Variants in PAIP2B observed in about 807,000 individuals in gnomAD.
The protein encoded by PAIP2B is poly(A) binding protein interacting protein 2B.
In PAIP2B, 13 loss-of-function variants were observed where a neutral mutation model predicts 17.0. The observed-to-expected ratio is 0.76, with a 90% CI of 0.50 to 1.22. PAIP2B has a LOEUF of 1.22. PAIP2B is among the 50% of genes most tolerant of loss of function. PAIP2B has a pLI of 0.00. For missense variants in PAIP2B, 117 were observed against 144.5 expected (o/e 0.81, Z 0.98); for synonymous variants, 43 against 48.7 (o/e 0.88, Z 0.48).
At chr2:71,220,362 C>T (rs570434346) in intron 1 of PAIP2B, among the ~76,000 whole-genome samples, 1 of 152,266 alleles carries the variant, frequency 6.6e-6, no homozygotes, top group East Asian at 1.9e-4. Flanking sequence ...TGAACCATTT[C>T]TATTTAACCA....
At chr2:71,223,550 C>T (rs1675645972) in intron 1 of PAIP2B, among the ~76,000 whole-genome samples, 1 of 151,812 alleles carries the variant, frequency 6.6e-6, no homozygotes, top group African/African-American at 2.4e-5. Flanking sequence ...AAATTCTCTG[C>T]CTCAGCCTCC....
intron 1 of PAIP2B, among the ~76,000 whole-genome samples, chr2:71,221,025 AT>A (rs1314505357): frequency 2.6e-5 from 4 of 152,214 alleles, no homozygotes; most frequent in Admixed American, 1.3e-4. Context: ...GAAGTAAATG[AT>A]TTCACTACAG....
chr2:71,218,213 C>G (rs1675481512), intron 1 of PAIP2B, among the ~76,000 whole-genome samples: 1 of 152,062 alleles, frequency 6.6e-6, no homozygotes, highest in African/African-American at 2.4e-5. Context: ...AAATTACTTA[C>G]TGGGAGACAG....
intron 2 of PAIP2B, among the ~76,000 whole-genome samples, chr2:71,193,660 T>G (rs1337551021): frequency 6.6e-6 from 1 of 152,112 alleles, no homozygotes; most frequent in Non-Finnish European, 1.5e-5. Flanking sequence ...GAGACCATCC[T>G]GGCTAACACG....
intron 2 of PAIP2B, among the ~76,000 whole-genome samples, chr2:71,192,813 C>T (rs973750728): frequency 7.9e-5 from 12 of 152,062 alleles, no homozygotes; most frequent in African/African-American, 1.9e-4. Context: ...GTATATGTAC[C>T]ACATTTTCTT....
At chr2:71,193,947 C>T (rs369551238) in intron 2 of PAIP2B, among the ~76,000 whole-genome samples, 40 of 152,272 alleles carry the variant, frequency 2.6e-4, no homozygotes, top group African/African-American at 8.2e-4. Context: ...TATGGCTAGC[C>T]GGTTATCCCA....
chr2:71,198,411 G>A lies in PAIP2B; in HGVS notation c.138+4041C>T, dbSNP rs375123413. Among the ~76,000 whole-genome samples the A allele has an allele frequency of 7.5e-4, 113 of 151,152 alleles. No homozygotes were observed. The Middle Eastern group carries it at 0.014, about 18-fold the overall frequency. On this transcript the variant is annotated intron_variant, in intron 2 of 3. Coordinates refer to ENST00000244221, the MANE Select transcript of PAIP2B (RefSeq NM_020459.1). The stretch of plus-strand genomic sequence containing the variant: ...CACCATTCTCCTGCCTCAGCCTCCC[G>A]AGTAGCTGGGACTACAGGCGCCCGC...
chr2:71,206,128 C>T (rs1160345402), intron 1 of PAIP2B, among the ~76,000 whole-genome samples: 1 of 152,196 alleles, frequency 6.6e-6, no homozygotes, highest in Non-Finnish European at 1.5e-5. Context: ...CTAACAATAG[C>T]TTATACAGGT....
At chr2:71,190,368 G>T (rs57071797) in intron 2 of PAIP2B, among the ~76,000 whole-genome samples, 2 of 152,064 alleles carry the variant, frequency 1.3e-5, no homozygotes, top group Non-Finnish European at 1.5e-5. Context: ...AGGCTTCATT[G>T]AGCCAAGACT....
At chr2:71,193,980 TCTTTTCCCTAGTGCTTGTTTTTGTCAG>T (rs577518066) in intron 2 of PAIP2B, among the ~76,000 whole-genome samples, 1 of 151,914 alleles carries the variant, frequency 6.6e-6, no homozygotes, top group Non-Finnish European at 1.5e-5. Context: ...AAACAGGGAG[TCTTTTCCCTAGTGCTTGTTTTTGTCAG>T]CTTTGTCAAA....
At chr2:71,210,323 T>G (rs893599343) in intron 1 of PAIP2B, among the ~76,000 whole-genome samples, 1 of 152,162 alleles carries the variant, frequency 6.6e-6, no homozygotes, top group African/African-American at 2.4e-5. Flanking sequence ...TATATGAAAA[T>G]TTTTTAAAAG....
chr2:71,195,299 C>T (rs1674788178), intron 2 of PAIP2B, among the ~76,000 whole-genome samples: 1 of 152,168 alleles, frequency 6.6e-6, no homozygotes, highest in Non-Finnish European at 1.5e-5. Flanking sequence ...AGGAATGGTA[C>T]CAGCTCTTCT....
chr2:71,216,354 C>T (rs1422120341), intron 1 of PAIP2B, among the ~76,000 whole-genome samples: 1 of 152,164 alleles, frequency 6.6e-6, no homozygotes, highest in Admixed American at 6.5e-5. Flanking sequence ...CCTCTCTAAG[C>T]CTTGCAAATG....
intron 2 of PAIP2B, among the ~76,000 whole-genome samples, chr2:71,198,661 GA>G (rs780226556): frequency 6.6e-6 from 1 of 151,552 alleles, no homozygotes; most frequent in Non-Finnish European, 1.5e-5. Flanking sequence ...GACCTTAGGT[GA>G]TCCCCGCCTC....
intron 1 of PAIP2B, among the ~76,000 whole-genome samples, chr2:71,218,635 C>A (rs1675493666): frequency 6.6e-6 from 1 of 152,000 alleles, no homozygotes; most frequent in African/African-American, 2.4e-5. Context: ...AGAAATTCTA[C>A]TTCTATGAAT....
chr2:71,189,454 T>C (rs1674625390), intron 3 of PAIP2B, among the ~76,000 whole-genome samples: 1 of 152,244 alleles, frequency 6.6e-6, no homozygotes, highest in Admixed American at 6.5e-5. Context: ...CAGAATCATT[T>C]AGAAGTATAT....
In PAIP2B at chr2:71,184,493, CCCCTGTCCCTGTCA is replaced by C. The variant is rs1301378088; in HGVS notation, c.*3972_*3985del. On this transcript the variant is annotated 3_prime_UTR_variant, in exon 4 of 4. Coordinates refer to ENST00000244221, the MANE Select transcript of PAIP2B (RefSeq NM_020459.1). Reference sequence around the variant, plus strand: ...TGTTTCCCTGGGTTGGCTTCCTGCTCCCCTGTCCCTGTCACCAATAGCAGCTTCATTGTGAGAAG... The same window carrying C: ...TGTTTCCCTGGGTTGGCTTCCTGCTCCCAATAGCAGCTTCATTGTGAGAAG... 17 of 152,184 alleles carry C rather than the reference CCCCTGTCCCTGTCA, an allele frequency of 1.1e-4. No individual in the cohort carries two copies. The highest frequency in any genetic ancestry group is 1.0e-4 in the Non-Finnish European group (7 of 68,036). 9.4% of individuals were successfully genotyped at this position (152,184 alleles called of 1,614,324 possible). A position where few individuals can be genotyped will look rare whatever the true frequency, so the allele number is the denominator to read the frequency against.
At chr2:71,226,087 A>T (rs1675716343) in intron 1 of PAIP2B, among the ~76,000 whole-genome samples, 1 of 152,228 alleles carries the variant, frequency 6.6e-6, no homozygotes, top group Non-Finnish European at 1.5e-5. Context: ...TTTCAACTGC[A>T]TTTTCAGCAA....
chr2:71,193,318 A>G (rs1231210254), intron 2 of PAIP2B, among the ~76,000 whole-genome samples: 1 of 152,082 alleles, frequency 6.6e-6, no homozygotes, highest in Non-Finnish European at 1.5e-5. Flanking sequence ...TAAGTTCCTT[A>G]TAGATGCTTG....
Sources: gnomAD v4.1 joint callset for allele counts (sites outside exome capture counted in the v4.1 genomes callset) on GRCh38, gnomAD v4.1.1 for gene constraint, MANE v1.5 for transcripts, NCBI Gene and HGNC (gene_info 2026-07-23, HGNC 2026-07-21) for gene names.